VPS13C: variants seen among roughly 807,000 people sequenced by gnomAD.
VPS13C encodes intermembrane lipid transfer protein VPS13C.
Under a neutral mutation model 456.8 loss-of-function variants are expected in VPS13C, and 358 were observed. That is an observed-to-expected ratio of 0.78 (90% CI 0.72 to 0.86). The LOEUF is 0.86. Among genes scored for constraint, VPS13C ranks in the 40% least tolerant of loss-of-function variants. The pLI, the probability that VPS13C is intolerant of heterozygous loss-of-function variation, is 0.00. For missense variants in VPS13C, 4,818 were observed against 4,385.4 expected, an observed-to-expected ratio of 1.10 and a Z score of -2.79; for synonymous variants, 1,578 against 1,486.7, an observed-to-expected ratio of 1.06 and a Z score of -1.41.
chr15:61,882,462 G>T, intron 69 of VPS13C, 134 bp downstream of exon 69: 1 of 922,930 alleles, frequency 1.1e-6, no homozygotes, highest in Non-Finnish European at 1.4e-6. Flanking sequence ...AGGATATGTG[G>T]AAAAAGGGGA....
Position 61,969,316 on chromosome 15 carries a change from TC to T in VPS13C, c.2893del (p.Asp965IlefsTer15). ...GGTATTACCTTCAATTTCATGATAA[TC>T]CAAGCTGATTTTCTTTAAATAAGAT... The part of the protein sequence containing the change: ...VVSYLKKISL[D>X]YHEIEGSKRK... On this transcript the variant is annotated frameshift_variant, in exon 28 of 85. Transcript: ENST00000644861. LOFTEE classifies it high-confidence loss of function. 1 of 1,599,304 alleles carries T rather than the reference TC, an allele frequency of 6.3e-7. No individual in the cohort carries two copies. Among genetic ancestry groups the T allele is most frequent in the Non-Finnish European group, 8.5e-7 (1 of 1,174,166 alleles).
intron 66 of VPS13C, among the ~76,000 whole-genome samples, chr15:61,903,485 C>G (rs1157396185): frequency 6.6e-6 from 1 of 151,950 alleles, no homozygotes; most frequent in African/African-American, 2.4e-5. Context: ...CTATGAAACA[C>G]TAATGAAAAA....
Position 62,050,618 on chromosome 15 carries a change from C to A in VPS13C, c.101-6363G>T, listed in dbSNP as rs188166752. Among the ~76,000 whole-genome samples the A allele has an allele frequency of 3.3e-5, 5 of 152,056 alleles. No homozygotes were observed. In the East Asian group the frequency reaches 7.7e-4, roughly 24 times the overall value. On this transcript the variant is annotated intron_variant, in intron 1 of 84. Transcript: ENST00000644861. ...TTGGAGACCAGCCTTGCCAACATGG[C>A]GAAACCCTGTCTCTACCTAAAAAAT...
At chr15:61,926,895 A>G (rs943707025) in intron 52 of VPS13C, among the ~76,000 whole-genome samples, 196 bp downstream of exon 52, 1 of 152,242 alleles carries the variant, frequency 6.6e-6, no homozygotes, top group Admixed American at 6.5e-5. Context: ...TTCTGAAGGT[A>G]GTCCCCAGTT....
At chr15:61,936,828 T>C (rs1596353928) in intron 47 of VPS13C, 78 bp from the exon 48 acceptor site, 1 of 1,383,230 alleles carries the variant, frequency 7.2e-7, no homozygotes, top group Admixed American at 2.4e-5. Flanking sequence ...CGATTTGTGG[T>C]TTTTCAAATT....
chr15:61,893,234 A>T (rs931843945), intron 66 of VPS13C, among the ~76,000 whole-genome samples: 9 of 152,172 alleles, frequency 5.9e-5, no homozygotes, highest in African/African-American at 1.9e-4. Context: ...AAGTGGCAAA[A>T]GAAAAGAAGC....
At chr15:61,902,106 C>T (rs71411471) in intron 66 of VPS13C, among the ~76,000 whole-genome samples, 7,672 of 103,356 alleles carry the variant, frequency 0.074, 275 homozygotes, top group Middle Eastern at 0.13. Flanking sequence ...ACTCTGGGGA[C>T]TGTTGTGGGG....
intron 66 of VPS13C, among the ~76,000 whole-genome samples, chr15:61,900,079 C>T (rs1015929859): frequency 6.6e-6 from 1 of 152,164 alleles, no homozygotes; most frequent in African/African-American, 2.4e-5. Flanking sequence ...ATGCTAAAAA[C>T]TCTCAATAAA....
chr15:61,931,409 A>C, intron 49 of VPS13C, 150 bp from the exon 50 acceptor site: 1 of 732,056 alleles, frequency 1.4e-6, no homozygotes, highest in Non-Finnish European at 2.1e-6. Context: ...GGAACAGAGA[A>C]TAATATGCAT....
chr15:61,996,509 G>A (rs1278069627), intron 16 of VPS13C, among the ~76,000 whole-genome samples: 1 of 151,982 alleles, frequency 6.6e-6, no homozygotes, highest in Non-Finnish European at 1.5e-5. Context: ...CAATTCTCAA[G>A]GAAAAGATAA....
rs115819951 is a variant in VPS13C, at chr15:61,854,543, T to C, written c.11176A>G (p.Ile3726Val). The stretch of plus-strand genomic sequence containing the variant: ...TGTCTCGTTGACTGTGCATCCTCAA[T>C]GGCATTACATGCTCTCTGTAAAGTA... ...TATAERACNA[I>V]EDAQSTRQQQ... The change falls in exon 85 of 85, where the codon ATT (isoleucine) becomes GTT (valine). Residue 3726 changes from isoleucine to valine, a missense_variant. By Grantham distance (29) the Ile-to-Val change is conservative. Coordinates refer to ENST00000644861, the MANE Select transcript of VPS13C (RefSeq NM_020821.3). 7,630 of 1,614,094 alleles carry C rather than the reference T, an allele frequency of 4.7e-3. 35 individuals are homozygous for C. Among genetic ancestry groups the C allele is most frequent in the Middle Eastern group, 7.9e-3 (48 of 6,062 alleles).
rs764371331 is a variant in VPS13C, at chr15:62,023,480, T to C, written c.555A>G (p.Lys185=). 3 of 1,586,832 alleles carry C rather than the reference T, an allele frequency of 1.9e-6. No homozygotes were observed. The highest frequency in any genetic ancestry group is 2.6e-6 in the Non-Finnish European group (3 of 1,168,920). Residue 185 remains lysine, a synonymous_variant, in exon 8 of 85, where the codon AAA becomes AAG. Transcript: ENST00000644861. Reference sequence around the variant, plus strand: ...CATTTTTTATTACTTGAGTTGCCAATTTTTCCACAAATGTATCCTTTTTGG... The same window carrying C: ...CATTTTTTATTACTTGAGTTGCCAACTTTTCCACAAATGTATCCTTTTTGG... The part of the protein sequence containing the change: ...KEAKKDTFVE[K]LATQVIKNVQ...
At chr15:61,875,867 A>G (rs1457366876) in intron 75 of VPS13C, 22 bp from the exon 76 acceptor site, 3 of 1,446,244 alleles carry the variant, frequency 2.1e-6, no homozygotes, top group Non-Finnish European at 2.8e-6. Context: ...AAAAAATTAA[A>G]TTAAGTCCTT....
At chr15:62,028,547 T>C (rs1407773721) in intron 5 of VPS13C, 127 bp from the exon 6 acceptor site, 2 of 890,886 alleles carry the variant, frequency 2.2e-6, no homozygotes, top group Non-Finnish European at 3.4e-6. Flanking sequence ...TAATTAAAAT[T>C]TGGTGACACC....
At chr15:61,905,919 C>T (rs2043140278) in intron 66 of VPS13C, among the ~76,000 whole-genome samples, 1 of 152,056 alleles carries the variant, frequency 6.6e-6, no homozygotes, top group African/African-American at 2.4e-5. Context: ...TCTCTTATTT[C>T]ATAGTTGTCA....
At chr15:61,919,531 A>ACTCTTC in intron 57 of VPS13C, 82 bp from the exon 58 acceptor site, 1 of 1,309,456 alleles carries the variant, frequency 7.6e-7, no homozygotes, top group Non-Finnish European at 1.0e-6. Context: ...ACCTCAAAAT[A>ACTCTTC]ATGAAGAGTA....
intron 20 of VPS13C, 147 bp downstream of exon 20, chr15:61,983,673 T>C: frequency 1.1e-6 from 1 of 870,878 alleles, no homozygotes; most frequent in East Asian, 2.7e-5. Flanking sequence ...CTGCTGAACA[T>C]ATACTGCTTT....
At chr15:62,004,727 T>C (rs1349990779) in intron 15 of VPS13C, among the ~76,000 whole-genome samples, 4 of 151,334 alleles carry the variant, frequency 2.6e-5, no homozygotes, top group Middle Eastern at 3.4e-3. Context: ...TGTGTCTTTG[T>C]TCTCGTTGGT....
chr15:61,922,478 T>C lies in VPS13C; in HGVS notation c.6894A>G (p.Leu2298=), dbSNP rs765205705. The change falls in exon 54 of 85, where the codon TTA becomes TTG. Residue 2298 remains leucine (L), a synonymous_variant. Coordinates refer to ENST00000644861, the MANE Select transcript of VPS13C (RefSeq NM_020821.3). ...CTGAAAACTTAGACTCTGCCAATAA[T>C]AAAGGTACAGTTCGATGTCCAAGGC... ...ECGLGHRTVP[L]LLAESKFSGN... 3 of 1,614,022 alleles carry C rather than the reference T, an allele frequency of 1.9e-6. No individual in the cohort carries two copies. Among genetic ancestry groups the C allele is most frequent in the Middle Eastern group, 1.7e-4 (1 of 6,060 alleles).
Sources: allele counts gnomAD v4.1 joint callset (sites outside exome capture counted in the v4.1 genomes callset), GRCh38; gene constraint gnomAD v4.1.1; transcripts MANE v1.5; gene names NCBI Gene and HGNC (gene_info 2026-07-23, HGNC 2026-07-21).